The following FSTL5 variants were observed in gnomAD, a reference collection of about 807,000 sequenced individuals.
FSTL5 encodes follistatin like 5.
In FSTL5, 62 loss-of-function variants were observed where a neutral mutation model predicts 89.1. The observed-to-expected ratio is 0.70, with a 90% CI of 0.57 to 0.86. The LOEUF is 0.86. Ranked by LOEUF, FSTL5 falls within the 40% of genes least tolerant of loss-of-function variation. FSTL5 has a pLI of 0.00. For synonymous variants in FSTL5, 383 were observed against 346.2 expected (o/e 1.11, Z -1.18); for missense variants, 1,057 against 1,001.6 (o/e 1.06, Z -0.75).
chr4:161,725,600 C>T (rs986095616), intron 6 of FSTL5, among the ~76,000 whole-genome samples: 7 of 151,856 alleles, frequency 4.6e-5, no homozygotes, highest in Admixed American at 2.6e-4. Flanking sequence ...TGACAGCAGT[C>T]ATTTTTAGTA....
intron 4 of FSTL5, among the ~76,000 whole-genome samples, chr4:161,824,115 T>C (rs758859463): frequency 6.6e-6 from 1 of 152,204 alleles, no homozygotes; most frequent in Non-Finnish European, 1.5e-5. Flanking sequence ...GGTTTTCTAA[T>C]GTTATTGCAT....
intron 3 of FSTL5, among the ~76,000 whole-genome samples, chr4:161,968,330 G>A (rs1305485848): frequency 1.3e-5 from 2 of 151,688 alleles, no homozygotes; most frequent in Non-Finnish European, 2.9e-5. Flanking sequence ...AAATACACAT[G>A]GACAATATAA....
chr4:162,044,889 A>T (rs901383407), intron 2 of FSTL5, among the ~76,000 whole-genome samples: 27 of 152,238 alleles, frequency 1.8e-4, no homozygotes, highest in African/African-American at 5.5e-4. Flanking sequence ...AATTGAAAAG[A>T]GTGAGAATTT....
At chr4:162,153,712 G>A (rs144670535) in intron 1 of FSTL5, among the ~76,000 whole-genome samples, 4,103 of 126,870 alleles carry the variant, frequency 0.032, 121 homozygotes, top group Non-Finnish European at 0.049. Context: ...TATTATATAT[G>A]TATATAATAA....
chr4:161,472,133 C>T lies in FSTL5; in HGVS notation c.1608+8887G>A, dbSNP rs548146616. On this transcript the variant is annotated intron_variant, in intron 13 of 15. Transcript: ENST00000306100. The stretch of plus-strand genomic sequence containing the variant: ...CTGGGACTACAGGTGCTGGCCACCA[C>T]GCCCGGCTAATTTTTTTGTATTTTT... Among the ~76,000 whole-genome samples, 14 of 152,072 alleles carry T rather than the reference C, an allele frequency of 9.2e-5. No homozygotes were observed. The East Asian group carries it at 1.9e-3, about 21-fold the overall frequency.
At chr4:161,833,197 G>A (rs2126863505) in intron 4 of FSTL5, among the ~76,000 whole-genome samples, 1 of 152,016 alleles carries the variant, frequency 6.6e-6, no homozygotes, top group South Asian at 2.1e-4. Flanking sequence ...GGTTTTGAGT[G>A]AGTTTCTTAA....
At chr4:161,522,079 AC>A (rs1329538659) in intron 10 of FSTL5, among the ~76,000 whole-genome samples, 1 of 151,666 alleles carries the variant, frequency 6.6e-6, no homozygotes, top group East Asian at 1.9e-4. Context: ...TTCAGTCCCC[AC>A]CCCCATACAA....
chr4:161,699,841 T>G (rs1423428325), intron 6 of FSTL5, among the ~76,000 whole-genome samples: 1 of 152,128 alleles, frequency 6.6e-6, no homozygotes, highest in Non-Finnish European at 1.5e-5. Flanking sequence ...GAACAGGAAA[T>G]GAAACAGCAA....
chr4:161,973,786 A>G (rs1735553129), intron 3 of FSTL5, among the ~76,000 whole-genome samples: 1 of 152,154 alleles, frequency 6.6e-6, no homozygotes, highest in African/African-American at 2.4e-5. Context: ...GAGCAATCAA[A>G]TAAAGGTAGG....
At chr4:162,025,387 T>A (rs1737242303) in intron 3 of FSTL5, among the ~76,000 whole-genome samples, 1 of 152,172 alleles carries the variant, frequency 6.6e-6, no homozygotes, top group Non-Finnish European at 1.5e-5. Context: ...ATAGTTAACT[T>A]CATTTAATAC....
intron 1 of FSTL5, among the ~76,000 whole-genome samples, chr4:162,159,242 T>C (rs1733601172): frequency 6.6e-6 from 1 of 152,074 alleles, no homozygotes; most frequent in Admixed American, 6.6e-5. Context: ...GGTGTGTATG[T>C]TTTAATTGCT....
At chr4:161,700,086 G>T (rs963146564) in intron 6 of FSTL5, among the ~76,000 whole-genome samples, 1 of 152,146 alleles carries the variant, frequency 6.6e-6, no homozygotes, top group Admixed American at 6.6e-5. Flanking sequence ...GGAGCAAAAA[G>T]TATTAATGTA....
intron 5 of FSTL5, among the ~76,000 whole-genome samples, chr4:161,761,742 T>C (rs1036127804): frequency 6.6e-6 from 1 of 152,214 alleles, no homozygotes; most frequent in Admixed American, 6.5e-5. Flanking sequence ...GCATGTGACC[T>C]TGAGAAGCCA....
chr4:161,558,938 C>T (rs770542261), intron 8 of FSTL5, among the ~76,000 whole-genome samples: 42 of 151,854 alleles, frequency 2.8e-4, no homozygotes, highest in Non-Finnish European at 5.3e-4. Context: ...TCAGTTTAGG[C>T]CTTCACTATT....
At chr4:161,428,853 A>G (rs2126334042) in intron 15 of FSTL5, among the ~76,000 whole-genome samples, 1 of 152,128 alleles carries the variant, frequency 6.6e-6, no homozygotes, top group African/African-American at 2.4e-5. Context: ...GAGAGGAAAA[A>G]GTAAAGGGGA....
At chr4:161,797,391 AC>A (rs1280533970) in intron 4 of FSTL5, among the ~76,000 whole-genome samples, 1 of 151,616 alleles carries the variant, frequency 6.6e-6, no homozygotes, top group Admixed American at 6.6e-5. Flanking sequence ...TAAATTAGGA[AC>A]TGTAACATTC....
At chr4:161,635,232 C>CA (rs916342886) in intron 7 of FSTL5, among the ~76,000 whole-genome samples, 1 of 151,834 alleles carries the variant, frequency 6.6e-6, no homozygotes, top group Non-Finnish European at 1.5e-5. Context: ...ATTAAAAATA[C>CA]AAAAAAATTA....
intron 7 of FSTL5, among the ~76,000 whole-genome samples, chr4:161,641,651 C>T (rs1192748435): frequency 6.6e-6 from 1 of 151,914 alleles, no homozygotes; most frequent in East Asian, 1.9e-4. Flanking sequence ...GCCCCCACGC[C>T]CAGATAATTT....
intron 4 of FSTL5, among the ~76,000 whole-genome samples, chr4:161,787,202 G>C (rs1741936797): frequency 6.6e-6 from 1 of 152,038 alleles, no homozygotes; most frequent in African/African-American, 2.4e-5. Flanking sequence ...ATTTATAAAT[G>C]AGATGTTTAA....
Sources: allele counts gnomAD v4.1 joint callset (sites outside exome capture counted in the v4.1 genomes callset), GRCh38; gene constraint gnomAD v4.1.1; transcripts MANE v1.5; gene names NCBI Gene and HGNC (gene_info 2026-07-23, HGNC 2026-07-21).